Variants in RASAL2 observed in about 807,000 individuals in gnomAD.
RASAL2 encodes the protein ras GTPase-activating protein nGAP.
In RASAL2, 58 loss-of-function variants were observed where a neutral mutation model predicts 128.9. That is an observed-to-expected ratio of 0.45 (90% CI 0.36 to 0.56). The LOEUF (loss-of-function observed/expected upper bound fraction) is 0.56. Among genes scored for constraint, RASAL2 ranks in the 20% least tolerant of loss-of-function variants. The pLI is 0.00. For missense variants in RASAL2, 1,360 were observed against 1,601.6 expected (o/e 0.85, Z 2.57); for synonymous variants, 561 against 580.8 (o/e 0.97, Z 0.49).
rs1039727349 is a variant in RASAL2, at chr1:178,094,334, G to A, written c.-159G>A. ...GCATCGCCCGAGCCTCGGGCAGTGGGCGACGGGGAAGGAGGTGAGAGGTGT... is the reference window on the plus strand; with the variant it reads ...GCATCGCCCGAGCCTCGGGCAGTGGACGACGGGGAAGGAGGTGAGAGGTGT... On this transcript the variant is annotated 5_prime_UTR_variant, in exon 1 of 18. Transcript: ENST00000367649. 6 of 651,704 alleles carry A rather than the reference G, an allele frequency of 9.2e-6. No homozygotes were observed. The highest frequency in any genetic ancestry group is 1.5e-5 in the Non-Finnish European group (6 of 406,580). 40.4% of individuals were successfully genotyped at this position (651,704 alleles called of 1,614,324 possible). A position where few individuals can be genotyped will look rare whatever the true frequency, so the allele number is the denominator to read the frequency against.
chr1:178,303,855 G>A (rs1045595883), intron 3 of RASAL2, among the ~76,000 whole-genome samples: 2 of 152,098 alleles, frequency 1.3e-5, no homozygotes, highest in Non-Finnish European at 2.9e-5. Context: ...AGTACATCCT[G>A]TCTGATTCCG....
rs1670733994 is a variant in RASAL2, at chr1:178,355,152, T to G, written c.458-34948T>G. ...GTCTTTCTCTCTTTCTTTCTAGGTA[T>G]CTATATATTTGTATATATTAGGATA... On this transcript the variant is annotated intron_variant, in intron 3 of 17. Transcript: ENST00000367649. Among the ~76,000 whole-genome samples, 3 of 152,358 alleles carry G rather than the reference T, an allele frequency of 2.0e-5. No individual in the cohort carries two copies. In the South Asian group the frequency reaches 6.2e-4, roughly 32 times the overall value.
chr1:178,455,954 G>A (rs1040393530), intron 12 of RASAL2, among the ~76,000 whole-genome samples: 4 of 152,210 alleles, frequency 2.6e-5, no homozygotes, highest in African/African-American at 9.6e-5. Flanking sequence ...TGTGAAATGG[G>A]CCTGGTTTAT....
At chr1:178,366,110 T>C (rs1249135217) in intron 3 of RASAL2, among the ~76,000 whole-genome samples, 1 of 152,212 alleles carries the variant, frequency 6.6e-6, no homozygotes, top group Non-Finnish European at 1.5e-5. Flanking sequence ...CTTGGTTTAG[T>C]AAGAGAATGT....
intron 1 of RASAL2, among the ~76,000 whole-genome samples, chr1:178,144,036 G>A (rs1660633377): frequency 6.6e-6 from 1 of 152,092 alleles, no homozygotes; most frequent in Admixed American, 6.6e-5. Context: ...ACTGTTGAAT[G>A]TCTCAAGAGT....
intron 4 of RASAL2, among the ~76,000 whole-genome samples, chr1:178,393,759 G>C (rs1479734336): frequency 6.6e-6 from 1 of 152,022 alleles, no homozygotes; most frequent in Admixed American, 6.6e-5. Flanking sequence ...AATCTGTTCC[G>C]ATCATCTTTA....
rs181442177 is a variant in RASAL2 at position 178,377,607 on chromosome 1, A to G, written c.458-12493A>G. On this transcript the variant is annotated intron_variant, in intron 3 of 17. Coordinates refer to ENST00000367649, the MANE Select transcript of RASAL2 (RefSeq NM_170692.4). ...AGGACTGGGCCTCTGAATGAGTTACACCTTCAGTGAGAGTTGAAGTTAGAA... is the reference window on the plus strand; with the variant it reads ...AGGACTGGGCCTCTGAATGAGTTACGCCTTCAGTGAGAGTTGAAGTTAGAA... Among the ~76,000 whole-genome samples, 451 of 152,282 alleles carry G rather than the reference A, an allele frequency of 3.0e-3. 3 individuals are homozygous for G. Among genetic ancestry groups the G allele is most frequent in the African/African-American group, 0.01 (419 of 41,576 alleles).
intron 1 of RASAL2, among the ~76,000 whole-genome samples, chr1:178,203,443 G>A (rs189434579): frequency 4.7e-4 from 71 of 152,218 alleles, no homozygotes; most frequent in Admixed American, 1.8e-3. Context: ...GCTCTGAATC[G>A]GCATCTAATA....
chr1:178,388,753 G>A (rs1317217355), intron 3 of RASAL2, among the ~76,000 whole-genome samples: 1 of 152,198 alleles, frequency 6.6e-6, no homozygotes, highest in Non-Finnish European at 1.5e-5. Context: ...TGTGTAAAAT[G>A]GTGTCCTTTT....
At chr1:178,282,879 G>A (rs190410783) in intron 1 of RASAL2, among the ~76,000 whole-genome samples, 12 of 152,182 alleles carry the variant, frequency 7.9e-5, no homozygotes, top group Non-Finnish European at 1.3e-4. Context: ...CAAAAAAATT[G>A]AAAATGACAG....
At chr1:178,332,222 C>T (rs1156787854) in intron 3 of RASAL2, among the ~76,000 whole-genome samples, 6 of 152,086 alleles carry the variant, frequency 3.9e-5, no homozygotes, top group Middle Eastern at 3.4e-3. Flanking sequence ...TGTTCTCGGC[C>T]GGGCACAGTG....
chr1:178,115,573 C>T (rs1054109619), intron 1 of RASAL2, among the ~76,000 whole-genome samples: 1 of 152,200 alleles, frequency 6.6e-6, no homozygotes, highest in Non-Finnish European at 1.5e-5. Context: ...AGCATGGCAG[C>T]TTTGAGGAAC....
At chr1:178,151,582 A>G (rs1660916436) in intron 1 of RASAL2, among the ~76,000 whole-genome samples, 1 of 152,330 alleles carries the variant, frequency 6.6e-6, no homozygotes, top group African/African-American at 2.4e-5. Context: ...GTGACATGGT[A>G]GAACATAACT....
At chr1:178,214,548 C>G (rs550131954) in intron 1 of RASAL2, among the ~76,000 whole-genome samples, 2 of 152,018 alleles carry the variant, frequency 1.3e-5, no homozygotes, top group African/African-American at 4.8e-5. Flanking sequence ...AGTAACATCA[C>G]CTGGACTATG....
chr1:178,127,230 C>T (rs983559285), intron 1 of RASAL2, among the ~76,000 whole-genome samples: 3 of 151,994 alleles, frequency 2.0e-5, no homozygotes, highest in Admixed American at 2.0e-4. Context: ...TGTTATTACC[C>T]AGTACTTAAT....
chr1:178,232,140 A>C (rs1664036043), intron 1 of RASAL2, among the ~76,000 whole-genome samples: 1 of 152,122 alleles, frequency 6.6e-6, no homozygotes. Context: ...CTTTGATTGC[A>C]CTGTTATATC....
intron 4 of RASAL2, among the ~76,000 whole-genome samples, chr1:178,395,495 G>A (rs1673156962): frequency 6.6e-6 from 1 of 152,034 alleles, no homozygotes; most frequent in Non-Finnish European, 1.5e-5. Flanking sequence ...GATGACCAAT[G>A]TAAATTTACA....
At chr1:178,280,593 A>G (rs1429374188) in intron 1 of RASAL2, among the ~76,000 whole-genome samples, 1 of 152,082 alleles carries the variant, frequency 6.6e-6, no homozygotes, top group South Asian at 2.1e-4. Context: ...TTGCTGGTCT[A>G]CAGAATAATA....
chr1:178,193,495 T>G (rs1662557150), intron 1 of RASAL2, among the ~76,000 whole-genome samples: 1 of 152,190 alleles, frequency 6.6e-6, no homozygotes, highest in South Asian at 2.1e-4. Flanking sequence ...GACATGATTT[T>G]ATGACATGAC....
Sources: gnomAD v4.1 joint callset for allele counts (sites outside exome capture counted in the v4.1 genomes callset) on GRCh38, gnomAD v4.1.1 for gene constraint, MANE v1.5 for transcripts, NCBI Gene and HGNC (gene_info 2026-07-23, HGNC 2026-07-21) for gene names.